The following WLS variants were observed in gnomAD, a reference collection of about 807,000 sequenced individuals.
WLS encodes Wnt ligand secretion mediator, also known as protein wntless homolog.
A neutral mutation model predicts 62.8 loss-of-function variants in WLS; 23 were observed. That is an observed-to-expected ratio of 0.37 (90% CI 0.26 to 0.52). The LOEUF is 0.52. Among genes scored for constraint, WLS ranks in the 20% least tolerant of loss-of-function variants. The pLI, the probability that WLS is intolerant of heterozygous loss-of-function variation, is 0.92. For synonymous variants in WLS, 246 were observed against 244.1 expected, an observed-to-expected ratio of 1.01 and a Z score of -0.07; for missense variants, 615 against 697.3, an observed-to-expected ratio of 0.88 and a Z score of 1.33.
intron 2 of WLS, among the ~76,000 whole-genome samples, chr1:68,188,043 G>C (rs538352278): frequency 2.0e-5 from 3 of 152,296 alleles, no homozygotes; most frequent in African/African-American, 4.8e-5. Context: ...GTAAAAGGTA[G>C]AACCACAAGA....
chr1:68,176,325 C>T (rs1012629889), intron 2 of WLS: 5 of 152,218 alleles, frequency 3.3e-5, no homozygotes, highest in African/African-American at 1.2e-4. Context: ...TACCTGCCTC[C>T]GAAGCCAGCC....
At chr1:68,120,343 G>A (rs1358441962) in intron 11 of WLS, among the ~76,000 whole-genome samples, 2 of 152,172 alleles carry the variant, frequency 1.3e-5, no homozygotes, top group Non-Finnish European at 2.9e-5. Flanking sequence ...TCTCGATTTG[G>A]CCTGAAGAGG....
chr1:68,136,089 G>A (rs1308902509), intron 11 of WLS, among the ~76,000 whole-genome samples: 3 of 152,086 alleles, frequency 2.0e-5, no homozygotes, highest in African/African-American at 4.8e-5. Flanking sequence ...GCATGCTCTC[G>A]CATGGACATG....
chr1:68,174,759 A>G (rs1647207702), intron 2 of WLS, among the ~76,000 whole-genome samples: 1 of 152,022 alleles, frequency 6.6e-6, no homozygotes, highest in South Asian at 2.1e-4. Flanking sequence ...CACTCCACAC[A>G]CCTGCCCCGA....
chr1:68,178,465 T>C (rs1349667162), intron 2 of WLS, among the ~76,000 whole-genome samples: 3 of 151,986 alleles, frequency 2.0e-5, no homozygotes, highest in Non-Finnish European at 4.4e-5. Flanking sequence ...CTTTGGGACT[T>C]TGGGAAGCCG....
At chr1:68,211,879 C>T (rs1649529390) in intron 1 of WLS, among the ~76,000 whole-genome samples, 2 of 152,204 alleles carry the variant, frequency 1.3e-5, no homozygotes, top group East Asian at 3.8e-4. Context: ...GAAGTTGATT[C>T]TGCCTGGCTG....
chr1:68,129,659 G>A (rs773761251), intron 11 of WLS, among the ~76,000 whole-genome samples: 4 of 152,162 alleles, frequency 2.6e-5, no homozygotes, highest in African/African-American at 7.2e-5. Flanking sequence ...GTGTGTGAAC[G>A]TGGCAGTAAC....
chr1:68,098,840 ACTATAAAAATT>A, intron 11 of WLS: 1 of 1,472,504 alleles, frequency 6.8e-7, no homozygotes, highest in Non-Finnish European at 9.0e-7. Context: ...GGCTCAGGTA[ACTATAAAAATT>A]TTTACCTACA....
At chr1:68,229,479 C>T (rs979295937) in intron 1 of WLS, among the ~76,000 whole-genome samples, 4 of 150,968 alleles carry the variant, frequency 2.6e-5, no homozygotes, top group Non-Finnish European at 4.4e-5. Flanking sequence ...CAATGAGCAG[C>T]GGAGGAGTTC....
intron 1 of WLS, among the ~76,000 whole-genome samples, chr1:68,196,967 T>C (rs1239360371): frequency 6.6e-6 from 1 of 152,106 alleles, no homozygotes; most frequent in Non-Finnish European, 1.5e-5. Context: ...AAATAAACAG[T>C]GAGACAAAAG....
intron 2 of WLS, among the ~76,000 whole-genome samples, chr1:68,193,460 T>TTGG (rs1305869634): frequency 7.9e-6 from 1 of 126,558 alleles, no homozygotes; most frequent in Non-Finnish European, 1.6e-5. Context: ...AAAACCTGGT[T>TTGG]TGGTGGGGAA....
chr1:68,187,130 A>G (rs1037029148), intron 2 of WLS, among the ~76,000 whole-genome samples: 6 of 147,168 alleles, frequency 4.1e-5, no homozygotes, highest in East Asian at 2.1e-4. Context: ...GGAGAATGGC[A>G]TGAACCCGGG....
chr1:68,176,423 A>C (rs1647262827), intron 2 of WLS: 1 of 140,304 alleles, frequency 7.1e-6, no homozygotes, highest in South Asian at 2.3e-4. Context: ...ACCAAGTGAG[A>C]AGTCCAGATG....
chr1:68,201,206 A>G (rs1337856186), intron 1 of WLS, among the ~76,000 whole-genome samples: 1 of 152,200 alleles, frequency 6.6e-6, no homozygotes, highest in Non-Finnish European at 1.5e-5. Flanking sequence ...AGGTCTTATG[A>G]GCCAAACCTG....
intron 3 of WLS, among the ~76,000 whole-genome samples, chr1:68,158,270 C>T (rs1365785911): frequency 1.3e-5 from 2 of 152,174 alleles, no homozygotes; most frequent in South Asian, 2.1e-4. Flanking sequence ...GTTCTCAGAA[C>T]ACATTTTCTG....
intron 11 of WLS, among the ~76,000 whole-genome samples, chr1:68,102,249 T>C (rs1454323323): frequency 7.7e-6 from 1 of 130,144 alleles, no homozygotes; most frequent in Admixed American, 6.8e-5. Flanking sequence ...TCCTGCCCCT[T>C]CCTCTTTTTA....
At chr1:68,146,921 T>A (rs1245766243) in intron 8 of WLS, among the ~76,000 whole-genome samples, 1 of 152,096 alleles carries the variant, frequency 6.6e-6, no homozygotes, top group African/African-American at 2.4e-5. Flanking sequence ...GTTTTGCTTT[T>A]GTTGCCCGGG....
In WLS at chr1:68,159,208, T is replaced by C. The variant is rs751107411; in HGVS notation, c.419A>G (p.Tyr140Cys). ...AEVSMDVSLAYRDDAFAEWTE... is the reference protein window; with the variant it reads ...AEVSMDVSLACRDDAFAEWTE... ...CCACTCAGCAAACGCGTCATCACGG[T>C]AAGCCAGGGAAACGTCCATGGAGAC... Residue 140 changes from tyrosine (Y) to cysteine (C), a missense_variant, in exon 3 of 12, where the codon TAC becomes TGC. By Grantham distance (194) the Tyr-to-Cys change is radical. Coordinates refer to ENST00000262348, the MANE Select transcript of WLS (RefSeq NM_024911.7). 4.3e-6 allele frequency: 7 copies of C among 1,614,108 alleles called. No homozygotes were observed. In the Admixed American group the frequency reaches 1.2e-4, roughly 27 times the overall value.
At chr1:68,188,063 A>C (rs558002967) in intron 2 of WLS, among the ~76,000 whole-genome samples, 61 of 152,294 alleles carry the variant, frequency 4.0e-4, no homozygotes, top group Admixed American at 9.2e-4. Flanking sequence ...ATAATCCAGC[A>C]CTTTCCTCAC....
Sources: gnomAD v4.1 joint callset for allele counts (sites outside exome capture counted in the v4.1 genomes callset) on GRCh38, gnomAD v4.1.1 for gene constraint, MANE v1.5 for transcripts, NCBI Gene and HGNC (gene_info 2026-07-23, HGNC 2026-07-21) for gene names.